Variants in NAA16 observed in about 807,000 individuals in gnomAD.
The protein encoded by NAA16 is NARG1-like protein.
A neutral mutation model predicts 110.3 loss-of-function variants in NAA16; 97 were observed. The ratio of observed to expected loss-of-function variants is 0.88; its 90% CI spans 0.75 to 1.04. The LOEUF (loss-of-function observed/expected upper bound fraction) is 1.04. Ranked by LOEUF, NAA16 falls within the 50% of genes least tolerant of loss-of-function variation. NAA16 has a pLI of 0.00. For missense variants in NAA16, 1,017 were observed against 1,005.1 expected (o/e 1.01, Z -0.16); for synonymous variants, 372 against 330.6 (o/e 1.13, Z -1.36).
In NAA16 at chr13:41,367,653, G is replaced by C; in HGVS notation, c.1753+1G>C. Reference sequence around the variant, plus strand: ...AGCAAACAACAAGAAATAAACTCAGGTAACTGAATAGGAACTTAAAAGATT... The same window carrying C: ...AGCAAACAACAAGAAATAAACTCAGCTAACTGAATAGGAACTTAAAAGATT... On this transcript the variant is annotated splice_donor_variant, in intron 14 of 19. Transcript: ENST00000379406. LOFTEE classifies it high-confidence loss of function. The C allele has an allele frequency of 3.1e-6, 5 of 1,590,934 alleles. No individual in the cohort carries two copies. The highest frequency in any genetic ancestry group is 4.3e-6 in the Non-Finnish European group (5 of 1,164,044).
At chr13:41,331,454 TAG>T (rs2042236485) in intron 8 of NAA16, 85 bp downstream of exon 8, 3 of 1,008,996 alleles carry the variant, frequency 3.0e-6, no homozygotes, top group Admixed American at 2.1e-5. Flanking sequence ...GTTTCTGGTA[TAG>T]AGTTTATGTT....
intron 12 of NAA16, 36 bp downstream of exon 12, chr13:41,358,998 A>C (rs2139496024): frequency 4.0e-6 from 6 of 1,510,884 alleles, no homozygotes; most frequent in Non-Finnish European, 5.4e-6. Context: ...TAATTGTCTA[A>C]ATTAAGACAG....
chr13:41,359,160 T>C (rs1202663853), intron 12 of NAA16, among the ~76,000 whole-genome samples, 198 bp downstream of exon 12: 1 of 152,190 alleles, frequency 6.6e-6, no homozygotes, highest in Non-Finnish European at 1.5e-5. Context: ...TATATGTTTC[T>C]GGCAGGGGAT....
intron 6 of NAA16, chr13:41,327,747 T>TTTTTTTTTTTTTTTTTTGAGACGG (rs2042130456): frequency 6.6e-6 from 1 of 150,910 alleles, no homozygotes; most frequent in African/African-American, 2.5e-5. Flanking sequence ...TTTAAAGTTT[T>TTTTTTTTTTTTTTTTTTGAGACGG]AAGTAGCAGA....
At chr13:41,318,535 A>G (rs1445062963) in intron 2 of NAA16, among the ~76,000 whole-genome samples, 2 of 152,280 alleles carry the variant, frequency 1.3e-5, no homozygotes, top group African/African-American at 2.4e-5. Flanking sequence ...AATAATATCA[A>G]CCACTTTTAC....
chr13:41,358,778 T>C, intron 11 of NAA16, 32 bp from the exon 12 acceptor site: 1 of 1,542,188 alleles, frequency 6.5e-7, no homozygotes, highest in South Asian at 1.3e-5. Flanking sequence ...CTCTTGATTA[T>C]AAATTGTGGT....
chr13:41,350,325 G>A (rs1355628683), intron 9 of NAA16, among the ~76,000 whole-genome samples: 1 of 147,188 alleles, frequency 6.8e-6, no homozygotes, highest in African/African-American at 2.5e-5. Context: ...ACGGAGTCTC[G>A]CTCTGTCCCC....
At chr13:41,371,608 GCTTA>G (rs1447313323) in intron 15 of NAA16, among the ~76,000 whole-genome samples, 15 of 152,130 alleles carry the variant, frequency 9.9e-5, no homozygotes, top group African/African-American at 2.7e-4. Flanking sequence ...ATTTTCTATA[GCTTA>G]CTTTATTATA....
intron 6 of NAA16, among the ~76,000 whole-genome samples, chr13:41,328,302 A>G (rs560920459): frequency 2.0e-5 from 3 of 152,252 alleles, no homozygotes; most frequent in East Asian, 1.9e-4. Context: ...CCTTGAAACA[A>G]TGAGAATTGA....
At chr13:41,352,631 G>A (rs1226710564) in intron 9 of NAA16, among the ~76,000 whole-genome samples, 1 of 152,124 alleles carries the variant, frequency 6.6e-6, no homozygotes, top group Non-Finnish European at 1.5e-5. Flanking sequence ...CTCCAGCCTA[G>A]GCAACAGAGT....
chr13:41,329,755 T>A (rs561272421), intron 7 of NAA16, among the ~76,000 whole-genome samples: 6 of 152,020 alleles, frequency 3.9e-5, no homozygotes, highest in Non-Finnish European at 7.4e-5. Flanking sequence ...AAAGCTCATA[T>A]GTGTGAAGGC....
At chr13:41,328,681 T>C (rs745814177) in intron 6 of NAA16, 43 bp from the exon 7 acceptor site, 2 of 1,514,928 alleles carry the variant, frequency 1.3e-6, no homozygotes, top group Middle Eastern at 1.7e-4. Flanking sequence ...GTCAGATAGA[T>C]ATTTAATGTT....
chr13:41,367,629 G>A lies in NAA16; in HGVS notation c.1730G>A (p.Ser577Asn), dbSNP rs1324815715. ...KLYDNPLTNESKQQEINSENL... is the reference protein window; with the variant it reads ...KLYDNPLTNENKQQEINSENL... ...TATGATAATCCCTTAACCAATGAAAGCAAACAACAAGAAATAAACTCAGGT... is the reference window on the plus strand; with the variant it reads ...TATGATAATCCCTTAACCAATGAAAACAAACAACAAGAAATAAACTCAGGT... The change falls in exon 14 of 20, where the codon AGC (serine) becomes AAC (asparagine). Residue 577 changes from serine (S) to asparagine (N), a missense_variant. Ser to Asn is a conservative substitution (Grantham distance 46). Transcript: ENST00000379406. 3 of 1,607,332 alleles carry A rather than the reference G, an allele frequency of 1.9e-6. No individual in the cohort carries two copies. Among genetic ancestry groups the A allele is most frequent in the Admixed American group, 1.7e-5 (1 of 59,224 alleles).
intron 1 of NAA16, among the ~76,000 whole-genome samples, chr13:41,315,456 C>A (rs538655900): frequency 1.2e-4 from 18 of 152,302 alleles, no homozygotes; most frequent in Admixed American, 8.5e-4. Context: ...CTTATCCTTG[C>A]ATTGGACTAA....
intron 9 of NAA16, among the ~76,000 whole-genome samples, chr13:41,341,043 T>C (rs888580350): frequency 2.0e-5 from 3 of 152,194 alleles, no homozygotes; most frequent in Admixed American, 2.0e-4. Context: ...ATATGTTTTC[T>C]TTTACGAAAT....
chr13:41,369,234 A>AAGAAGCC lies in NAA16; in HGVS notation c.1901_1907dup (p.Ser636ArgfsTer6). ...AAGAAAAAAAGAGATGAAGAAGAAGAAGAAGCCAGTGGCCTTAAGGAAGAA... is the reference window on the plus strand; with the variant it reads ...AAGAAAAAAAGAGATGAAGAAGAAGAAGAAGCCAGAAGCCAGTGGCCTTAAGGAAGAA... On this transcript the variant is annotated frameshift_variant, in exon 15 of 20. Coordinates refer to ENST00000379406, the MANE Select transcript of NAA16 (RefSeq NM_024561.5). LOFTEE classifies it high-confidence loss of function. 6.3e-7 allele frequency: 1 copy of AAGAAGCC among 1,592,054 alleles called. No individual in the cohort carries two copies. The highest frequency in any genetic ancestry group is 8.5e-7 in the Non-Finnish European group (1 of 1,173,686).
At chr13:41,366,582 T>TTTGGCC (rs1250304867) in intron 13 of NAA16, among the ~76,000 whole-genome samples, 1 of 152,166 alleles carries the variant, frequency 6.6e-6, no homozygotes, top group Non-Finnish European at 1.5e-5. Flanking sequence ...GATTAGTTCT[T>TTTGGCC]AACCTCTTTT....
At chr13:41,320,576 A>G in intron 3 of NAA16, 91 bp from the exon 4 acceptor site, 1 of 1,254,180 alleles carries the variant, frequency 8.0e-7, no homozygotes, top group Non-Finnish European at 1.1e-6. Context: ...TCCCAGGCAA[A>G]ATACCATTTC....
chr13:41,371,699 T>TCAA (rs2043321801), intron 15 of NAA16, among the ~76,000 whole-genome samples: 1 of 152,334 alleles, frequency 6.6e-6, no homozygotes, highest in South Asian at 2.1e-4. Context: ...AGGCTTCCAG[T>TCAA]CAACAGTAGG....
Sources: gnomAD v4.1 joint callset for allele counts (sites outside exome capture counted in the v4.1 genomes callset) on GRCh38, gnomAD v4.1.1 for gene constraint, MANE v1.5 for transcripts, NCBI Gene and HGNC (gene_info 2026-07-23, HGNC 2026-07-21) for gene names.